The following MVB12B variants were observed in gnomAD, a reference collection of about 807,000 sequenced individuals.
MVB12B encodes multivesicular body subunit 12B.
MVB12B carries 16 observed loss-of-function variants against 41.6 expected under a neutral mutation model. The ratio of observed to expected loss-of-function variants is 0.38; its 90% confidence interval spans 0.26 to 0.58. The LOEUF (loss-of-function observed/expected upper bound fraction) is 0.58. Ranked by LOEUF, MVB12B falls within the 20% of genes least tolerant of loss-of-function variation. The pLI is 0.62. For synonymous variants in MVB12B, 133 were observed against 139.7 expected (o/e 0.95, Z 0.34); for missense variants, 274 against 380.2 (o/e 0.72, Z 2.32).
At chr9:126,440,399 T>C (rs1176697347) in intron 7 of MVB12B, among the ~76,000 whole-genome samples, 1 of 152,174 alleles carries the variant, frequency 6.6e-6, no homozygotes, top group Non-Finnish European at 1.5e-5. Context: ...ATCTGCCAGG[T>C]AAGGTGTGCA....
chr9:126,496,288 C>A (rs879344562), intron 9 of MVB12B, among the ~76,000 whole-genome samples: 4 of 139,022 alleles, frequency 2.9e-5, no homozygotes, highest in Non-Finnish European at 6.2e-5. Context: ...CACCCTTCCA[C>A]CCATCCATAC....
intron 7 of MVB12B, among the ~76,000 whole-genome samples, chr9:126,471,686 C>T (rs1004223913): frequency 6.6e-6 from 1 of 152,110 alleles, no homozygotes. Context: ...TTGGCGTTTT[C>T]CCCATTACAA....
chr9:126,420,495 C>T (rs777825373), intron 6 of MVB12B, among the ~76,000 whole-genome samples: 5 of 151,738 alleles, frequency 3.3e-5, no homozygotes, highest in Non-Finnish European at 2.9e-5. Flanking sequence ...AGGCTCCTTC[C>T]GGTTCCAGCT....
rs552733927 is a variant in MVB12B at position 126,456,969 on chromosome 9, C to T, written c.758-24400C>T. ...TGAAGCAGTGTCAAGAGTCCTGTGC[C>T]GTCTGCTCATGCCCTCACCCCACGA... is the stretch of plus-strand genomic sequence containing the variant. On this transcript the variant is annotated intron_variant, in intron 7 of 9. Coordinates refer to ENST00000361171, the MANE Select transcript of MVB12B (RefSeq NM_033446.3). 5.3e-5 allele frequency among the ~76,000 whole-genome samples: 8 copies of T among 152,316 alleles called. 1 individual carries two copies. The highest frequency in any genetic ancestry group is 1.7e-4 in the African/African-American group (7 of 41,560).
chr9:126,464,107 G>A (rs1326135556), intron 7 of MVB12B, among the ~76,000 whole-genome samples: 1 of 152,130 alleles, frequency 6.6e-6, no homozygotes, highest in Non-Finnish European at 1.5e-5. Context: ...CCCACCTACA[G>A]GCCCTGGGCC....
At chr9:126,453,336 G>T (rs1452720441) in intron 7 of MVB12B, among the ~76,000 whole-genome samples, 2 of 152,170 alleles carry the variant, frequency 1.3e-5, no homozygotes, top group Non-Finnish European at 2.9e-5. Flanking sequence ...AGGTCCAGCT[G>T]CAAGCAGGGA....
intron 2 of MVB12B, among the ~76,000 whole-genome samples, chr9:126,356,878 A>T (rs1232413391): frequency 6.6e-6 from 1 of 151,894 alleles, no homozygotes; most frequent in Non-Finnish European, 1.5e-5. Context: ...CATGAGTAAA[A>T]GCTCCCTAAG....
At chr9:126,328,153 T>A (rs1829034460) in intron 1 of MVB12B, among the ~76,000 whole-genome samples, 1 of 152,188 alleles carries the variant, frequency 6.6e-6, no homozygotes. Flanking sequence ...TTACAGTAGA[T>A]GGTGACACCT....
intron 6 of MVB12B, among the ~76,000 whole-genome samples, chr9:126,420,559 GTCTTTT>G (rs1831974376): frequency 2.6e-5 from 3 of 114,608 alleles, no homozygotes; most frequent in African/African-American, 6.8e-5. Context: ...CCTCCCAGGA[GTCTTTT>G]TTTTTTTTTT....
chr9:126,455,543 G>A (rs1832964105), intron 7 of MVB12B, among the ~76,000 whole-genome samples: 2 of 152,114 alleles, frequency 1.3e-5, no homozygotes, highest in Non-Finnish European at 2.9e-5. Flanking sequence ...GGAGTGCAGT[G>A]GCAAGATCAT....
chr9:126,395,929 A>G lies in MVB12B; in HGVS notation c.662+232A>G. 6.8e-6 allele frequency: 9 copies of G among 1,332,082 alleles called. No homozygotes were observed. Among genetic ancestry groups the G allele is most frequent in the Non-Finnish European group, 7.7e-6 (8 of 1,043,446 alleles). 82.5% of individuals were successfully genotyped at this position (1,332,082 alleles called of 1,614,324 possible). On this transcript the variant is annotated intron_variant, in intron 6 of 9. Transcript: ENST00000361171. The surrounding 1 kb of genome is among the most constrained non-coding windows in gnomAD (Gnocchi z 4.9). The stretch of plus-strand genomic sequence containing the variant: ...TTGTGCGTGTTCTGCAGGCTTCTAA[A>G]ATTGCAGATTATGCAACTTAAAATT...
chr9:126,400,017 T>C lies in MVB12B; in HGVS notation c.662+4320T>C, dbSNP rs900826180. ...AGCTAAGTGTGTGAAATGGCGGGGG[T>C]CGGAGCGTGGGTGTGTGGAGTACAG... On this transcript the variant is annotated intron_variant, in intron 6 of 9. Transcript: ENST00000361171. 2.6e-5 allele frequency among the ~76,000 whole-genome samples: 4 copies of C among 151,284 alleles called. No individual in the cohort carries two copies. In the East Asian group the frequency reaches 7.8e-4, roughly 30 times the overall value.
chr9:126,425,285 A>G (rs957259758), intron 7 of MVB12B, among the ~76,000 whole-genome samples: 1 of 152,148 alleles, frequency 6.6e-6, no homozygotes, highest in African/African-American at 2.4e-5. Context: ...TTGTCTCTTT[A>G]AAAAAATTAA....
intron 7 of MVB12B, among the ~76,000 whole-genome samples, chr9:126,435,731 C>T (rs537660113): frequency 6.6e-6 from 1 of 152,070 alleles, no homozygotes; most frequent in Non-Finnish European, 1.5e-5. Flanking sequence ...TCTGGAAGTC[C>T]CCTGTCCCTG....
intron 9 of MVB12B, among the ~76,000 whole-genome samples, chr9:126,493,226 C>T (rs1833770535): frequency 6.6e-6 from 1 of 152,114 alleles, no homozygotes; most frequent in Non-Finnish European, 1.5e-5. Context: ...TTTTCAACTA[C>T]TTAATCCATC....
At chr9:126,440,073 A>G (rs1832591724) in intron 7 of MVB12B, among the ~76,000 whole-genome samples, 1 of 152,198 alleles carries the variant, frequency 6.6e-6, no homozygotes, top group Admixed American at 6.5e-5. Context: ...AACAACTTGG[A>G]ATTAATGCCT....
intron 2 of MVB12B, among the ~76,000 whole-genome samples, chr9:126,351,421 T>G (rs1829743395): frequency 1.3e-5 from 2 of 151,912 alleles, no homozygotes; most frequent in African/African-American, 2.4e-5. Context: ...ATGTTACCTG[T>G]GAGAGAGTAG....
intron 7 of MVB12B, among the ~76,000 whole-genome samples, chr9:126,439,355 T>C (rs1832575898): frequency 6.6e-6 from 1 of 151,680 alleles, no homozygotes; most frequent in Non-Finnish European, 1.5e-5. Flanking sequence ...TCTGTGGGAG[T>C]CTGGGGTCTC....
intron 7 of MVB12B, among the ~76,000 whole-genome samples, chr9:126,453,128 G>A (rs1832914593): frequency 6.6e-6 from 1 of 152,146 alleles, no homozygotes; most frequent in Non-Finnish European, 1.5e-5. Context: ...CTTGCTGAAA[G>A]TGCTTTGTCA....
Sources: allele counts gnomAD v4.1 joint callset (sites outside exome capture counted in the v4.1 genomes callset), GRCh38; gene constraint gnomAD v4.1.1; non-coding constraint Gnocchi (gnomAD v3.1); transcripts MANE v1.5; gene names NCBI Gene and HGNC (gene_info 2026-07-23, HGNC 2026-07-21).